Variants in ROBO2 observed in about 807,000 individuals in gnomAD.
The protein encoded by ROBO2 is roundabout guidance receptor 2.
ROBO2 carries 53 observed loss-of-function variants against 160.8 expected under a neutral mutation model. The observed-to-expected ratio is 0.33, with a 90% CI of 0.26 to 0.41. ROBO2 has a LOEUF of 0.41. Ranked by LOEUF, ROBO2 falls within the 10% of genes least tolerant of loss-of-function variation. The probability of loss-of-function intolerance (pLI) is 1.00; values close to 1 mark genes in which losing one functional copy is unlikely to be tolerated. For synonymous variants in ROBO2, 664 were observed against 611.7 expected, an observed-to-expected ratio of 1.09 and a Z score of -1.26; for missense variants, 1,577 against 1,722.4, an observed-to-expected ratio of 0.92 and a Z score of 1.49.
At chr3:76,454,566 GAATATGA>G (rs1233463402) in intron 2 of ROBO2, among the ~76,000 whole-genome samples, 1 of 152,072 alleles carries the variant, frequency 6.6e-6, no homozygotes, top group East Asian at 1.9e-4. Flanking sequence ...ACTGACTGCT[GAATATGA>G]ACAACTATTT....
Position 76,628,606 on chromosome 3 carries a change from G to T in ROBO2, c.110-469408G>T, listed in dbSNP as rs1308901329. ...CTACTATCTCATTTCATGCCTCTCT[G>T]AAAAGGAAACTTTTTTTTCCTCACT... On this transcript the variant is annotated intron_variant, in intron 2 of 26. Coordinates refer to the ROBO2 transcript ENST00000487694. 2.0e-5 allele frequency among the ~76,000 whole-genome samples: 3 copies of T among 151,990 alleles called. No individual in the cohort carries two copies. In the East Asian group the frequency reaches 5.8e-4, roughly 29 times the overall value.
At position 75,944,827 on chromosome 3, in the gene ROBO2, T is replaced by C. The variant is rs370144047; in HGVS notation, c.109+7225T>C. On this transcript the variant is annotated intron_variant, in intron 2 of 26. Coordinates refer to the ROBO2 transcript ENST00000487694. ...TATTTTGTACTTCTTTTTCTTATGG[T>C]AACTTCTGATGTTTGTTTGTAAGAT... Among the ~76,000 whole-genome samples, 36 of 152,336 alleles carry C rather than the reference T, an allele frequency of 2.4e-4. No homozygotes were observed. In the East Asian group the frequency reaches 3.5e-3, roughly 15 times the overall value.
At chr3:76,906,598 T>C (rs1269569247) in intron 2 of ROBO2, among the ~76,000 whole-genome samples, 1 of 152,054 alleles carries the variant, frequency 6.6e-6, no homozygotes, top group Non-Finnish European at 1.5e-5. Context: ...CTGTAATAGA[T>C]GCTGTTGTTG....
intron 2 of ROBO2, among the ~76,000 whole-genome samples, chr3:77,460,600 A>G (rs1560898661): frequency 6.6e-6 from 1 of 152,212 alleles, no homozygotes; most frequent in Non-Finnish European, 1.5e-5. Context: ...GAAATTAAGA[A>G]AAGTATTCCA....
At chr3:77,121,606 T>A (rs2074778005) in intron 2 of ROBO2, among the ~76,000 whole-genome samples, 1 of 152,096 alleles carries the variant, frequency 6.6e-6, no homozygotes, top group Admixed American at 6.5e-5. Flanking sequence ...AATAATAAAT[T>A]AATTAATATT....
intron 2 of ROBO2, among the ~76,000 whole-genome samples, chr3:76,816,385 G>A (rs1367083320): frequency 6.6e-6 from 1 of 152,058 alleles, no homozygotes; most frequent in African/African-American, 2.4e-5. Flanking sequence ...TCGATAGGAA[G>A]AGTACAGAAT....
intron 1 of ROBO2, among the ~76,000 whole-genome samples, chr3:75,909,772 AT>A (rs1367634162): frequency 1.3e-5 from 2 of 152,152 alleles, no homozygotes; most frequent in African/African-American, 4.8e-5. Flanking sequence ...TTCCTTTCTA[AT>A]TCTTTCAGAA....
chr3:76,664,960 G>T (rs575284326), intron 2 of ROBO2, among the ~76,000 whole-genome samples: 2 of 152,270 alleles, frequency 1.3e-5, no homozygotes, highest in East Asian at 3.9e-4. Flanking sequence ...AGAGTCAAAC[G>T]CTACAGAGAT....
At chr3:77,596,561 G>A in intron 18 of ROBO2, 62 bp from the exon 20 acceptor site, 1 of 1,599,828 alleles carries the variant, frequency 6.3e-7, no homozygotes, top group Non-Finnish European at 8.6e-7. Context: ...TATTGCATGA[G>A]ACGAGTGTCA....
At chr3:77,143,490 C>T (rs963368188) in intron 2 of ROBO2, among the ~76,000 whole-genome samples, 8 of 152,114 alleles carry the variant, frequency 5.3e-5, no homozygotes, top group African/African-American at 1.9e-4. Context: ...GCCACTGCGT[C>T]CGGCCCCACA....
At chr3:77,212,364 T>C (rs982193961) in intron 2 of ROBO2, among the ~76,000 whole-genome samples, 2 of 152,202 alleles carry the variant, frequency 1.3e-5, no homozygotes, top group Non-Finnish European at 2.9e-5. Context: ...ACTCATGATT[T>C]GGCTCTCTGT....
intron 4 of ROBO2, among the ~76,000 whole-genome samples, chr3:77,489,538 G>T (rs1582402288): frequency 1.3e-5 from 2 of 152,112 alleles, no homozygotes; most frequent in African/African-American, 4.8e-5. Context: ...CAAGTACCAT[G>T]ACTAAAAAAC....
intron 2 of ROBO2, among the ~76,000 whole-genome samples, chr3:76,148,609 A>T (rs986960489): frequency 6.6e-6 from 1 of 152,072 alleles, no homozygotes; most frequent in Admixed American, 6.6e-5. Context: ...CTCTTCAGTC[A>T]TTAAGAACCT....
At chr3:77,395,444 G>A (rs1344490049) in intron 2 of ROBO2, among the ~76,000 whole-genome samples, 2 of 152,122 alleles carry the variant, frequency 1.3e-5, no homozygotes, top group Non-Finnish European at 2.9e-5. Context: ...GAAATTAGAA[G>A]GAGTCAGAAT....
At chr3:77,545,979 G>A (rs939177314) in intron 6 of ROBO2, among the ~76,000 whole-genome samples, 4 of 152,072 alleles carry the variant, frequency 2.6e-5, no homozygotes, top group Non-Finnish European at 5.9e-5. Context: ...TTGAGTAAGA[G>A]AGTGATTCTT....
At chr3:77,398,863 G>A (rs2075541420) in intron 2 of ROBO2, among the ~76,000 whole-genome samples, 1 of 152,104 alleles carries the variant, frequency 6.6e-6, no homozygotes, top group African/African-American at 2.4e-5. Flanking sequence ...GGGACTACAG[G>A]CATGAGCTAC....
intron 5 of ROBO2, among the ~76,000 whole-genome samples, chr3:77,498,104 T>C (rs1448480911): frequency 6.6e-6 from 1 of 152,162 alleles, no homozygotes; most frequent in Non-Finnish European, 1.5e-5. Flanking sequence ...TAGCAGTCTT[T>C]AAAGAACTGT....
chr3:75,987,877 G>C (rs1420623030), intron 2 of ROBO2, among the ~76,000 whole-genome samples: 1 of 151,912 alleles, frequency 6.6e-6, no homozygotes, highest in African/African-American at 2.4e-5. Flanking sequence ...TTAGATTCCA[G>C]GAATAAATCC....
At chr3:77,101,012 C>G (rs3922794) in intron 2 of ROBO2, among the ~76,000 whole-genome samples, 7,767 of 152,100 alleles carry the variant, frequency 0.051, 231 homozygotes, top group Middle Eastern at 0.12. Context: ...AGGTTGAGAG[C>G]AGAGTAAATT....
Sources: allele counts gnomAD v4.1 joint callset (sites outside exome capture counted in the v4.1 genomes callset), GRCh38; gene constraint gnomAD v4.1.1; transcripts MANE v1.5; gene names NCBI Gene and HGNC (gene_info 2026-07-23, HGNC 2026-07-21).